The following TLCD4 variants were observed in gnomAD, a reference collection of about 807,000 sequenced individuals.
The protein encoded by TLCD4 is TLC domain-containing protein 4.
TLCD4 carries 7 observed loss-of-function variants against 24.2 expected under a neutral mutation model. The ratio of observed to expected loss-of-function variants is 0.29; its 90% CI spans 0.16 to 0.54. The LOEUF is 0.54. Among genes scored for constraint, TLCD4 ranks in the 20% least tolerant of loss-of-function variants. The pLI, the probability that TLCD4 is intolerant of heterozygous loss-of-function variation, is 0.95. For synonymous variants in TLCD4, 103 were observed against 106.4 expected (o/e 0.97, Z 0.20); for missense variants, 259 against 313.9 (o/e 0.82, Z 1.32).
At chr1:95,139,873 A>G (rs1256262869) in intron 1 of TLCD4, among the ~76,000 whole-genome samples, 1 of 152,104 alleles carries the variant, frequency 6.6e-6, no homozygotes, top group African/African-American at 2.4e-5. Flanking sequence ...CAATTATGTT[A>G]TTATTATTTT....
Position 95,195,587 on chromosome 1 carries a change from A to T in TLCD4, c.*3719A>T, listed in dbSNP as rs1413977189. The T allele has an allele frequency of 6.6e-6, 1 of 152,180 alleles. No individual in the cohort carries two copies. Among genetic ancestry groups the T allele is most frequent in the East Asian group, 1.9e-4 (1 of 5,194 alleles). 9.4% of individuals were successfully genotyped at this position (152,180 alleles called of 1,614,324 possible). On this transcript the variant is annotated 3_prime_UTR_variant, in exon 7 of 7. Coordinates refer to ENST00000370203, the MANE Select transcript of TLCD4 (RefSeq NM_152487.3). ...TAAGAAGTTGAACTTAGATAATTTT[A>T]TCAAGAGTAGCACAGTGTTTCTCAG...
At chr1:95,187,336 C>T (rs1360040869) in intron 6 of TLCD4, among the ~76,000 whole-genome samples, 1 of 152,190 alleles carries the variant, frequency 6.6e-6, no homozygotes, top group Non-Finnish European at 1.5e-5. Flanking sequence ...TTTTCTGTCT[C>T]AGGATCCCTT....
At chr1:95,157,938 A>G (rs1478353239) in intron 5 of TLCD4, among the ~76,000 whole-genome samples, 1 of 152,206 alleles carries the variant, frequency 6.6e-6, no homozygotes, top group East Asian at 1.9e-4. Flanking sequence ...CATTTTGCAC[A>G]TACAGGGAGG....
chr1:95,114,658 C>T (rs1425253335), upstream of TLCD4, among the ~76,000 whole-genome samples: 1 of 151,832 alleles, frequency 6.6e-6, no homozygotes, highest in Non-Finnish European at 1.5e-5. Context: ...GGTGAAACCC[C>T]GTCTCTATTA....
the TLCD4 span, among the ~76,000 whole-genome samples, chr1:95,105,464 C>T: frequency 1.1e-4 from 16 of 152,194 alleles, no homozygotes; most frequent in African/African-American, 3.6e-4. Context: ...TTGCCTCCTC[C>T]ATGGGTGGTG....
chr1:95,096,134 C>T, the TLCD4 span, among the ~76,000 whole-genome samples: 1 of 152,180 alleles, frequency 6.6e-6, no homozygotes, highest in African/African-American at 2.4e-5. Context: ...ACAGTTCAAG[C>T]AATCTGAGGT....
chr1:95,100,484 A>G, the TLCD4 span, among the ~76,000 whole-genome samples: 1 of 152,172 alleles, frequency 6.6e-6, no homozygotes, highest in Non-Finnish European at 1.5e-5. Flanking sequence ...CTAAGGCATG[A>G]GAATCACTTG....
At chr1:95,114,257 A>G (rs2100890251), upstream of TLCD4, among the ~76,000 whole-genome samples, 1 of 152,266 alleles carries the variant, frequency 6.6e-6, no homozygotes, top group African/African-American at 2.4e-5. Flanking sequence ...AAAACTACAA[A>G]CACTCTTAAT....
At chr1:95,171,946 C>A (rs764579681) in intron 5 of TLCD4, among the ~76,000 whole-genome samples, 2 of 152,154 alleles carry the variant, frequency 1.3e-5, no homozygotes, top group Non-Finnish European at 2.9e-5. Flanking sequence ...TGACTGGTCT[C>A]CTTGTGAAAA....
chr1:95,170,983 T>C (rs1359791279), intron 5 of TLCD4, among the ~76,000 whole-genome samples: 3 of 152,218 alleles, frequency 2.0e-5, no homozygotes, highest in Non-Finnish European at 4.4e-5. Flanking sequence ...AATTTGTTCC[T>C]TATTATCTTT....
chr1:95,126,994 G>A (rs545388859), intron 1 of TLCD4, among the ~76,000 whole-genome samples: 3 of 152,316 alleles, frequency 2.0e-5, no homozygotes, highest in South Asian at 2.1e-4. Context: ...TACCACAGGT[G>A]ACTGCATGTA....
At chr1:95,140,036 A>C (rs1301098148) in intron 1 of TLCD4, among the ~76,000 whole-genome samples, 1 of 152,150 alleles carries the variant, frequency 6.6e-6, no homozygotes, top group African/African-American at 2.4e-5. Context: ...TCCTATGAGA[A>C]CAATGCCTCC....
the TLCD4 span, among the ~76,000 whole-genome samples, chr1:95,101,172 G>T: frequency 6.6e-6 from 1 of 152,134 alleles, no homozygotes; most frequent in South Asian, 2.1e-4. Flanking sequence ...CTCCCAAAGT[G>T]CTAGGATTAT....
At chr1:95,142,607 A>G (rs550243439) in intron 1 of TLCD4, among the ~76,000 whole-genome samples, 145 of 152,248 alleles carry the variant, frequency 9.5e-4, no homozygotes, top group Non-Finnish European at 1.8e-3. Flanking sequence ...AATACCTGCT[A>G]CAGGTTTCCC....
chr1:95,169,905 T>C (rs1320535840), intron 5 of TLCD4, among the ~76,000 whole-genome samples: 2 of 152,228 alleles, frequency 1.3e-5, no homozygotes, highest in Non-Finnish European at 2.9e-5. Flanking sequence ...AGTATTTTGA[T>C]ATTTTACATG....
At chr1:95,149,564 T>C (rs1201389960) in intron 3 of TLCD4, among the ~76,000 whole-genome samples, 6 of 152,172 alleles carry the variant, frequency 3.9e-5, no homozygotes, top group Non-Finnish European at 8.8e-5. Flanking sequence ...ATAATATCAG[T>C]ATTGATACAT....
At chr1:95,103,649 T>C in the TLCD4 span, among the ~76,000 whole-genome samples, 3 of 152,342 alleles carry the variant, frequency 2.0e-5, no homozygotes. Context: ...GGAGACATGA[T>C]TTTGAATTTC....
In TLCD4 at chr1:95,137,059, C is replaced by T. The variant is rs147093906; in HGVS notation, c.-11-6832C>T. 9.9e-4 allele frequency among the ~76,000 whole-genome samples: 151 copies of T among 151,896 alleles called. 1 individual carries two copies. Among genetic ancestry groups the T allele is most frequent in the African/African-American group, 3.3e-3 (138 of 41,400 alleles). On this transcript the variant is annotated intron_variant, in intron 1 of 6. Coordinates refer to ENST00000370203, the MANE Select transcript of TLCD4 (RefSeq NM_152487.3). ...TATAAGCAGTGTTGGAGGTGCAGGG[C>T]GCATAGCCAGGCAGAACCTATAGTA... is the stretch of plus-strand genomic sequence containing the variant.
At chr1:95,121,712 C>T (rs886806862) in intron 1 of TLCD4, among the ~76,000 whole-genome samples, 3 of 152,186 alleles carry the variant, frequency 2.0e-5, no homozygotes, top group South Asian at 2.1e-4. Context: ...TCAAGTGATC[C>T]GCCCAACTCA....
Sources: gnomAD v4.1 joint callset for allele counts (sites outside exome capture counted in the v4.1 genomes callset) on GRCh38, gnomAD v4.1.1 for gene constraint, MANE v1.5 for transcripts, NCBI Gene and HGNC (gene_info 2026-07-23, HGNC 2026-07-21) for gene names.